Variants in IQSEC3 observed in about 807,000 individuals in gnomAD.
IQSEC3 encodes IQ motif and Sec7 domain ArfGEF 3.
In IQSEC3, 50 loss-of-function variants were observed where a neutral mutation model predicts 105.4. That is an observed-to-expected ratio of 0.47 (90% CI 0.38 to 0.60). The LOEUF is 0.60. IQSEC3 is among the 20% of genes least tolerant of loss of function. The probability of loss-of-function intolerance (pLI) is 0.00; values close to 1 mark genes in which losing one functional copy is unlikely to be tolerated. For synonymous variants in IQSEC3, 708 were observed against 746.0 expected (o/e 0.95, Z 0.83); for missense variants, 1,415 against 1,630.0 (o/e 0.87, Z 2.27).
chr12:164,568 A>T (rs1867080924), intron 9 of IQSEC3: 1 of 151,960 alleles, frequency 6.6e-6, no homozygotes, highest in Non-Finnish European at 1.5e-5. Flanking sequence ...GTCTCAAATC[A>T]CTTTTGATTC....
At chr12:139,850 G>C (rs1865943226) in intron 4 of IQSEC3, 1 of 153,454 alleles carries the variant, frequency 6.5e-6, no homozygotes, top group African/African-American at 2.4e-5. Flanking sequence ...GGAGGGCTAC[G>C]AGGAAGAGAG....
In IQSEC3 at chr12:152,948, C is replaced by G. The variant is rs1555093053; in HGVS notation, c.2154-4077C>G. Among the ~76,000 whole-genome samples, 2 of 152,140 alleles carry G rather than the reference C, an allele frequency of 1.3e-5. No homozygotes were observed. Among genetic ancestry groups the G allele is most frequent in the African/African-American group, 2.4e-5 (1 of 41,424 alleles). ...GACTCCAGGCCACCCTGGGTGGAGGCTGCAGCATGGATTTGGTAAACTGCC... is the reference window on the plus strand; with the variant it reads ...GACTCCAGGCCACCCTGGGTGGAGGGTGCAGCATGGATTTGGTAAACTGCC... On this transcript the variant is annotated intron_variant, in intron 5 of 13. Coordinates refer to ENST00000538872, the MANE Select transcript of IQSEC3 (RefSeq NM_001170738.2). This position sits in a 1 kb window ranked among gnomAD's most constrained non-coding sequence, Gnocchi z 4.8.
At chr12:77,146 C>G (rs1463314655) in intron 1 of IQSEC3, among the ~76,000 whole-genome samples, 1 of 152,268 alleles carries the variant, frequency 6.6e-6, no homozygotes. Context: ...TGGATGCTTC[C>G]GAACCGGCAT....
chr12:177,414 T>C lies in IQSEC3; in HGVS notation c.*2381T>C, dbSNP rs1939273057. Reference sequence around the variant, plus strand: ...AATCTTCCAAATCGGAACCAGCAAGTCTTAGGGCTGGCACGCATCTGGGCC... The same window carrying C: ...AATCTTCCAAATCGGAACCAGCAAGCCTTAGGGCTGGCACGCATCTGGGCC... On this transcript the variant is annotated 3_prime_UTR_variant, in exon 14 of 14. Coordinates refer to ENST00000538872, the MANE Select transcript of IQSEC3 (RefSeq NM_001170738.2). The surrounding 1 kb of genome is among the most constrained non-coding windows in gnomAD (Gnocchi z 5.3). 6.6e-6 allele frequency: 1 copy of C among 152,044 alleles called. No individual in the cohort carries two copies. The highest frequency in any genetic ancestry group is 2.1e-4 in the South Asian group (1 of 4,812). 9.4% of individuals were successfully genotyped at this position (152,044 alleles called of 1,614,324 possible). A position where few individuals can be genotyped will look rare whatever the true frequency, so the allele number is the denominator to read the frequency against.
intron 5 of IQSEC3, 69 bp from the exon 6 acceptor site, chr12:156,956 C>T: frequency 7.0e-7 from 1 of 1,436,658 alleles, no homozygotes; most frequent in Non-Finnish European, 9.2e-7. Context: ...GAACAGAGGC[C>T]AGCGAGAATG....
At chr12:78,881 A>C (rs1406961363) in intron 1 of IQSEC3, among the ~76,000 whole-genome samples, 4 of 152,030 alleles carry the variant, frequency 2.6e-5, no homozygotes, top group Admixed American at 2.0e-4. Flanking sequence ...CCAGTGGCAG[A>C]AGGTGCTCTT....
rs1175483866 is a variant in IQSEC3 at position 129,465 on chromosome 12, A to C, written c.903+3553A>C. 3.3e-5 allele frequency among the ~76,000 whole-genome samples: 5 copies of C among 151,898 alleles called. No individual in the cohort carries two copies. The East Asian group carries it at 9.8e-4, about 30-fold the overall frequency. On this transcript the variant is annotated intron_variant, in intron 3 of 13. Transcript: ENST00000538872. The stretch of plus-strand genomic sequence containing the variant: ...CCCCAGCACCTGTCACAAGTCGCAC[A>C]GCAAGACGGTCCTCCTGCCAGCTCT...
intron 2 of IQSEC3, among the ~76,000 whole-genome samples, chr12:100,723 G>T (rs1357665729): frequency 1.3e-5 from 2 of 152,128 alleles, no homozygotes; most frequent in Admixed American, 6.5e-5. Flanking sequence ...AGGCCAACTT[G>T]GACCCTTGAG....
At position 138,578 on chromosome 12, in the gene IQSEC3, G is replaced by A; in HGVS notation, c.1215G>A (p.Gln405=). Residue 405 remains glutamine, a synonymous_variant, in exon 4 of 14, where the codon CAG becomes CAA. Transcript: ENST00000538872. This position sits in a 1 kb window ranked among gnomAD's most constrained non-coding sequence, Gnocchi z 7.1. ...AGCTGGAGGACTCCTTCACCGAGCA[G>A]GTGCAATCCCTGGCCAAGTCCATCG... is the stretch of plus-strand genomic sequence containing the variant. The part of the protein sequence containing the change: ...LTELEDSFTE[Q]VQSLAKSIDD... The A allele has an allele frequency of 6.3e-7, 1 of 1,588,600 alleles. No individual in the cohort carries two copies. The highest frequency in any genetic ancestry group is 8.5e-7 in the Non-Finnish European group (1 of 1,174,790).
intron 2 of IQSEC3, among the ~76,000 whole-genome samples, chr12:100,742 C>T (rs1169144965): frequency 3.3e-5 from 5 of 152,134 alleles, no homozygotes; most frequent in African/African-American, 7.2e-5. Flanking sequence ...AGAAGTTCCC[C>T]ATGCAGTGGG....
chr12:161,932 A>G lies in IQSEC3; in HGVS notation c.2450A>G (p.Asp817Gly). 1 of 1,601,468 alleles carries G rather than the reference A, an allele frequency of 6.2e-7. No individual in the cohort carries two copies. The highest frequency in any genetic ancestry group is 8.5e-7 in the Non-Finnish European group (1 of 1,174,552). ...GCCCACTCCACGTTGTTAGGTGTGG[A>G]CGATGGCGCTGACATCCCCAGGGAG... ...EDFIRNLRGV[D>G]DGADIPRELV... The change falls in exon 8 of 14, where the codon GAC becomes GGC. Residue 817 changes from aspartate to glycine, a missense_variant. Physicochemically the swap from Asp to Gly is moderately conservative, Grantham distance 94. Transcript: ENST00000538872.
chr12:138,939 A>G lies in IQSEC3; in HGVS notation c.1576A>G (p.Lys526Glu). The change falls in exon 4 of 14, where the codon AAG (lysine) becomes GAG (glutamate). Residue 526 changes from lysine to glutamate, a missense_variant. This residue lies in a region of IQSEC3 where 720 missense variants were observed against 633.0 expected (regional missense o/e 1.14). Transcript: ENST00000538872. The surrounding 1 kb of genome is among the most constrained non-coding windows in gnomAD (Gnocchi z 7.1). Reference protein sequence around the residue: ...VQAPAEPAAGKAEQGETSGRE... With the variant: ...VQAPAEPAAGEAEQGETSGRE... ...GGCCCCCGCAGAGCCCGCGGCGGGC[A>G]AGGCCGAGCAGGGCGAGACCTCTGG... 1.3e-6 allele frequency: 2 copies of G among 1,586,320 alleles called. No individual in the cohort carries two copies. The highest frequency in any genetic ancestry group is 1.7e-6 in the Non-Finnish European group (2 of 1,167,546).
At chr12:157,477 G>C in intron 6 of IQSEC3, 51 bp from the exon 7 acceptor site, 1 of 1,558,170 alleles carries the variant, frequency 6.4e-7, no homozygotes, top group East Asian at 2.3e-5. Context: ...TTGGGCCCGG[G>C]GGAGGGTGGG....
At chr12:114,317 T>C (rs540117861) in intron 2 of IQSEC3, among the ~76,000 whole-genome samples, 3 of 152,244 alleles carry the variant, frequency 2.0e-5, no homozygotes, top group Non-Finnish European at 2.9e-5. Context: ...GTTCCAAGCA[T>C]GTTGTTCAGA....
intron 8 of IQSEC3, 51 bp from the exon 9 acceptor site, chr12:163,443 G>T (rs782123072): frequency 4.6e-6 from 7 of 1,522,672 alleles, no homozygotes; most frequent in Non-Finnish European, 5.3e-6. Flanking sequence ...CGTGGGTGGG[G>T]AGGCCTCCAG....
At chr12:129,461 G>A (rs939651430) in intron 3 of IQSEC3, among the ~76,000 whole-genome samples, 3 of 151,814 alleles carry the variant, frequency 2.0e-5, no homozygotes, top group Admixed American at 6.6e-5. Context: ...GTCACAAGTC[G>A]CACAGCAAGA....
At chr12:67,763 G>A (rs1192196038) in intron 1 of IQSEC3, among the ~76,000 whole-genome samples, 1 of 148,020 alleles carries the variant, frequency 6.8e-6, no homozygotes. Flanking sequence ...TTCGAGTGAA[G>A]ATTAAACTGT....
At chr12:92,959 G>A (rs1352002390) in intron 1 of IQSEC3, among the ~76,000 whole-genome samples, 1 of 152,206 alleles carries the variant, frequency 6.6e-6, no homozygotes, top group East Asian at 1.9e-4. Flanking sequence ...CTTTCTTTCT[G>A]TCATTTTCAC....
intron 7 of IQSEC3, among the ~76,000 whole-genome samples, chr12:160,850 T>C (rs956938570): frequency 3.3e-5 from 5 of 152,228 alleles, no homozygotes; most frequent in African/African-American, 1.2e-4. Flanking sequence ...TGCCAGGTCC[T>C]GGGGTGCCTG....
Sources: gnomAD v4.1 joint callset for allele counts (sites outside exome capture counted in the v4.1 genomes callset) on GRCh38, gnomAD v4.1.1 for gene constraint, gnomAD v4.1.1 regional missense constraint, Gnocchi (gnomAD v3.1) non-coding constraint, MANE v1.5 for transcripts, NCBI Gene and HGNC (gene_info 2026-07-23, HGNC 2026-07-21) for gene names.